ZNF385D: variants seen among roughly 807,000 people sequenced by gnomAD.
ZNF385D encodes zinc finger protein 659.
ZNF385D carries 15 observed loss-of-function variants against 35.8 expected under a neutral mutation model. The observed-to-expected ratio is 0.42, with a 90% confidence interval of 0.28 to 0.64. The LOEUF (loss-of-function observed/expected upper bound fraction) is 0.64, where lower values mean the gene tolerates loss of function less well. ZNF385D is among the 30% of genes least tolerant of loss of function. The pLI, the probability that ZNF385D is intolerant of heterozygous loss-of-function variation, is 0.23. For missense variants in ZNF385D, 474 were observed against 494.6 expected (o/e 0.96, Z 0.39); for synonymous variants, 212 against 186.8 (o/e 1.13, Z -1.10).
intron 3 of ZNF385D, among the ~76,000 whole-genome samples, chr3:21,972,609 G>T (rs537397969): frequency 1.6e-4 from 24 of 151,468 alleles, no homozygotes; most frequent in Non-Finnish European, 3.3e-4. Context: ...AAATTGAAAG[G>T]TTAAAACAAT....
In ZNF385D at chr3:21,495,187, G is replaced by C. The variant is rs140218014; in HGVS notation, c.439+15674C>G. ...AAATAAATAACCTCGAGTTCCATCA[G>C]TCAGACTCAAATCCCTATTTCAGTG... On this transcript the variant is annotated intron_variant, in intron 4 of 7. Coordinates refer to ENST00000281523, the MANE Select transcript of ZNF385D (RefSeq NM_024697.3). Among the ~76,000 whole-genome samples the C allele has an allele frequency of 1.5e-4, 22 of 151,454 alleles. No individual in the cohort carries two copies. The East Asian group carries it at 4.1e-3, about 28-fold the overall frequency.
chr3:21,629,587 T>C (rs1559472906), intron 2 of ZNF385D, among the ~76,000 whole-genome samples: 1 of 152,102 alleles, frequency 6.6e-6, no homozygotes, highest in Non-Finnish European at 1.5e-5. Flanking sequence ...TAGAGTTTCT[T>C]TTTCTTCTTC....
chr3:22,337,047 CCTG>C (rs1369469432), intron 2 of ZNF385D, among the ~76,000 whole-genome samples: 1 of 150,760 alleles, frequency 6.6e-6, no homozygotes, highest in African/African-American at 2.4e-5. Context: ...CATTCATTTA[CCTG>C]CTGTCAAAGA....
intron 3 of ZNF385D, chr3:21,849,774 G>C (rs1575772821): frequency 6.6e-6 from 1 of 151,738 alleles, no homozygotes; most frequent in East Asian, 1.9e-4. Context: ...TTGAGTAGAG[G>C]TCTAAACTTT....
chr3:21,979,385 G>C (rs1694274927), intron 3 of ZNF385D, among the ~76,000 whole-genome samples: 1 of 152,112 alleles, frequency 6.6e-6, no homozygotes, highest in African/African-American at 2.4e-5. Context: ...GTAGACATAA[G>C]AAAAACTGAG....
intron 3 of ZNF385D, among the ~76,000 whole-genome samples, chr3:21,531,529 T>C (rs1285827106): frequency 1.3e-5 from 2 of 152,250 alleles, no homozygotes; most frequent in South Asian, 2.1e-4. Context: ...AGTATTTGAA[T>C]AGAGAAACAA....
intron 1 of ZNF385D, among the ~76,000 whole-genome samples, chr3:21,718,253 A>G (rs1220525866): frequency 2.0e-5 from 3 of 152,190 alleles, no homozygotes; most frequent in African/African-American, 7.2e-5. Flanking sequence ...CTCCTGATCA[A>G]TCCTTCCATG....
At chr3:22,299,039 A>G (rs1702757502) in intron 2 of ZNF385D, among the ~76,000 whole-genome samples, 1 of 151,978 alleles carries the variant, frequency 6.6e-6, no homozygotes, top group African/African-American at 2.4e-5. Context: ...AGTTTTTAAC[A>G]CAATTCAAAT....
At chr3:21,974,123 A>G (rs1354547890) in intron 3 of ZNF385D, among the ~76,000 whole-genome samples, 1 of 152,090 alleles carries the variant, frequency 6.6e-6, no homozygotes, top group Non-Finnish European at 1.5e-5. Flanking sequence ...AGCTATCCTG[A>G]GCAAAAATTT....
At chr3:22,194,768 T>A (rs1696295874) in intron 2 of ZNF385D, among the ~76,000 whole-genome samples, 2 of 151,916 alleles carry the variant, frequency 1.3e-5, no homozygotes, top group African/African-American at 4.8e-5. Flanking sequence ...CCTTTGAGAC[T>A]GGCTTTTTAA....
At chr3:22,017,044 T>C (rs1696932262) in intron 3 of ZNF385D, among the ~76,000 whole-genome samples, 1 of 152,082 alleles carries the variant, frequency 6.6e-6, no homozygotes, top group South Asian at 2.1e-4. Context: ...AGTCACTCTT[T>C]AAATTTTTCA....
At chr3:21,946,591 G>A (rs1414720133) in intron 3 of ZNF385D, among the ~76,000 whole-genome samples, 1 of 152,110 alleles carries the variant, frequency 6.6e-6, no homozygotes, top group Non-Finnish European at 1.5e-5. Context: ...CAGAACTTTG[G>A]GAGGCTGAGG....
intron 2 of ZNF385D, among the ~76,000 whole-genome samples, chr3:22,282,068 T>A (rs1312627366): frequency 6.6e-6 from 1 of 152,106 alleles, no homozygotes; most frequent in Non-Finnish European, 1.5e-5. Flanking sequence ...CGATCCCTTG[T>A]ATTTCTGTGT....
intron 3 of ZNF385D, among the ~76,000 whole-genome samples, chr3:21,805,109 T>A (rs1395017324): frequency 6.6e-6 from 1 of 152,174 alleles, no homozygotes; most frequent in Non-Finnish European, 1.5e-5. Context: ...AATTACCGGC[T>A]TTTTGCTGCT....
At chr3:22,009,006 C>T (rs1203894272) in intron 3 of ZNF385D, among the ~76,000 whole-genome samples, 1 of 152,034 alleles carries the variant, frequency 6.6e-6, no homozygotes, top group African/African-American at 2.4e-5. Flanking sequence ...ATCAAAGAAC[C>T]AGAAACATTA....
intron 4 of ZNF385D, among the ~76,000 whole-genome samples, chr3:21,468,926 TAAA>T (rs199758653): frequency 6.8e-6 from 1 of 148,042 alleles, no homozygotes; most frequent in African/African-American, 2.5e-5. Flanking sequence ...AGACTCTGTC[TAAA>T]AAAAAAAGAA....
intron 1 of ZNF385D, among the ~76,000 whole-genome samples, chr3:21,732,547 C>A (rs2125494148): frequency 6.6e-6 from 1 of 152,326 alleles, no homozygotes; most frequent in Non-Finnish European, 1.5e-5. Context: ...CTCAAGCCAG[C>A]ATTTTGTGTT....
intron 3 of ZNF385D, among the ~76,000 whole-genome samples, chr3:21,838,163 G>A (rs1437899808): frequency 6.6e-6 from 1 of 152,062 alleles, no homozygotes; most frequent in African/African-American, 2.4e-5. Context: ...AACAGGTATT[G>A]TTACAAAATT....
chr3:22,137,765 A>G (rs1410090609), intron 3 of ZNF385D, among the ~76,000 whole-genome samples: 3 of 152,134 alleles, frequency 2.0e-5, no homozygotes, highest in Admixed American at 2.0e-4. Flanking sequence ...GGCACAAGAC[A>G]GGGATGCCCT....
Sources: gnomAD v4.1 joint callset for allele counts (sites outside exome capture counted in the v4.1 genomes callset) on GRCh38, gnomAD v4.1.1 for gene constraint, MANE v1.5 for transcripts, NCBI Gene and HGNC (gene_info 2026-07-23, HGNC 2026-07-21) for gene names.